Variants in NSUN6 observed in about 807,000 individuals in gnomAD.
NSUN6 encodes tRNA (cytosine(72)-C(5))-methyltransferase NSUN6.
In NSUN6, 64 loss-of-function variants were observed where a neutral mutation model predicts 58.0. The observed-to-expected ratio is 1.10, with a 90% CI of 0.90 to 1.36. The LOEUF is 1.36. Among genes scored for constraint, NSUN6 ranks in the 40% most tolerant of loss-of-function variants. The probability of loss-of-function intolerance (pLI) is 0.00; values close to 1 mark genes in which losing one functional copy is unlikely to be tolerated. For missense variants in NSUN6, 701 were observed against 550.1 expected, an observed-to-expected ratio of 1.27 and a Z score of -2.74; for synonymous variants, 231 against 193.9, an observed-to-expected ratio of 1.19 and a Z score of -1.59.
chr10:18,564,924 CTCCATTCCAT>C (rs965121449), intron 8 of NSUN6, among the ~76,000 whole-genome samples: 5 of 150,772 alleles, frequency 3.3e-5, no homozygotes, highest in Non-Finnish European at 7.4e-5. Flanking sequence ...CCATTCCATT[CTCCATTCCAT>C]TCCATTTCAT....
Position 18,546,153 on chromosome 10 carries a change from G to C in NSUN6, c.1198-8C>G, listed in dbSNP as rs764936213. The C allele has an allele frequency of 7.6e-6, 12 of 1,585,842 alleles. No homozygotes were observed. In the Admixed American group the frequency reaches 8.3e-5, roughly 11 times the overall value. On this transcript the variant is annotated splice_region_variant and splice_polypyrimidine_tract_variant and intron_variant, in intron 10 of 10. Transcript: ENST00000377304. ...TCCTCCAATCTGCGGTTCCTGTTTG[G>C]AGAAAGTGGATCAATATGGATGAAC... is the stretch of plus-strand genomic sequence containing the variant.
chr10:18,618,503 G>C lies in NSUN6; in HGVS notation c.312-2210C>G, dbSNP rs116202254. ...TCAAGACCAGCCTGACCAACATGAA[G>C]AAATCCCCGTCTCTACTAAAAATAC... On this transcript the variant is annotated intron_variant, in intron 3 of 10. Coordinates refer to ENST00000377304, the MANE Select transcript of NSUN6 (RefSeq NM_182543.5). Among the ~76,000 whole-genome samples the C allele has an allele frequency of 2.5e-3, 383 of 151,984 alleles. 1 individual carries two copies. The highest frequency in any genetic ancestry group is 8.7e-3 in the African/African-American group (362 of 41,454).
chr10:18,635,760 C>T (rs1367673124), intron 3 of NSUN6, among the ~76,000 whole-genome samples: 1 of 151,638 alleles, frequency 6.6e-6, no homozygotes, highest in South Asian at 2.1e-4. Flanking sequence ...ACCACTTGAA[C>T]CCGGGAGGCA....
intron 8 of NSUN6, among the ~76,000 whole-genome samples, chr10:18,567,212 C>G (rs1274349885): frequency 2.0e-5 from 3 of 150,892 alleles, no homozygotes; most frequent in African/African-American, 7.3e-5. Context: ...TCACTGTATT[C>G]CATTCCCTTC....
intron 3 of NSUN6, among the ~76,000 whole-genome samples, chr10:18,636,383 G>T (rs148307881): frequency 2.0e-5 from 3 of 149,806 alleles, no homozygotes; most frequent in African/African-American, 4.9e-5. Context: ...AAAACTGGCC[G>T]GCCATGGTGG....
intron 8 of NSUN6, among the ~76,000 whole-genome samples, chr10:18,575,470 A>T (rs1450083064): frequency 6.6e-6 from 1 of 152,230 alleles, no homozygotes; most frequent in South Asian, 2.1e-4. Context: ...AATTGAAAAT[A>T]TAGTATCCAG....
chr10:18,551,881 G>T lies in NSUN6; in HGVS notation c.1013C>A (p.Thr338Asn), dbSNP rs771990308. 1.9e-6 allele frequency: 3 copies of T among 1,612,534 alleles called. No homozygotes were observed. Among genetic ancestry groups the T allele is most frequent in the Non-Finnish European group, 1.7e-6 (2 of 1,178,778 alleles). Residue 338 changes from threonine to asparagine, a missense_variant, in exon 9 of 11, where the codon ACT becomes AAT. Thr to Asn is a moderately conservative substitution (Grantham distance 65). Transcript: ENST00000377304. ...GMGQRPNMAC[T>N]WSVKEVASYQ... ...TGATGCCACTTCCTTCACAGACCAAGTACAGGCCATGTTTGGTCTCTGTCC... is the reference window on the plus strand; with the variant it reads ...TGATGCCACTTCCTTCACAGACCAATTACAGGCCATGTTTGGTCTCTGTCC...
chr10:18,555,448 G>A (rs1236722442), intron 8 of NSUN6, among the ~76,000 whole-genome samples: 1 of 150,512 alleles, frequency 6.6e-6, no homozygotes, highest in Non-Finnish European at 1.5e-5. Context: ...ATGGAACAGA[G>A]TGGAATAGAG....
intron 8 of NSUN6, among the ~76,000 whole-genome samples, chr10:18,558,438 T>G (rs987309696): frequency 8.8e-5 from 13 of 147,068 alleles, no homozygotes; most frequent in African/African-American, 3.3e-4. Context: ...GAATGGAGGA[T>G]GGTGTGGAGA....
chr10:18,647,117 AT>A (rs2059567975), intron 2 of NSUN6, among the ~76,000 whole-genome samples: 1 of 152,200 alleles, frequency 6.6e-6, no homozygotes, highest in African/African-American at 2.4e-5. Context: ...ATGGTTGTCT[AT>A]TCACAACTTG....
intron 7 of NSUN6, among the ~76,000 whole-genome samples, chr10:18,594,670 C>G (rs955688960): frequency 6.6e-6 from 1 of 152,096 alleles, no homozygotes; most frequent in African/African-American, 2.4e-5. Context: ...TGGATGGTCT[C>G]GATCTCTTAA....
At position 18,545,858 on chromosome 10, in the gene NSUN6, A is replaced by C; in HGVS notation, c.*75T>G. 1.8e-6 allele frequency: 1 copy of C among 558,906 alleles called. No individual in the cohort carries two copies. Among genetic ancestry groups the C allele is most frequent in the Non-Finnish European group, 2.9e-6 (1 of 349,976 alleles). The allele number at this position is 558,906 out of a possible 1,614,324, so 34.6% of individuals were successfully genotyped here. A position where few individuals can be genotyped will look rare whatever the true frequency, so the allele number is the denominator to read the frequency against. ...ACATCATCATTCAGTTGGCCTGACA[A>C]CACTTTGGTTAAAAAAAAAAAAACC... On this transcript the variant is annotated 3_prime_UTR_variant, in exon 11 of 11. Coordinates refer to ENST00000377304, the MANE Select transcript of NSUN6 (RefSeq NM_182543.5).
intron 6 of NSUN6, among the ~76,000 whole-genome samples, chr10:18,603,260 CAA>C: frequency 6.6e-6 from 1 of 151,858 alleles, no homozygotes; most frequent in East Asian, 1.9e-4. Flanking sequence ...GCCACTGTCT[CAA>C]AAAAATAAAA....
intron 3 of NSUN6, among the ~76,000 whole-genome samples, chr10:18,642,218 G>C (rs1296524267): frequency 6.8e-6 from 1 of 147,676 alleles, no homozygotes; most frequent in Non-Finnish European, 1.5e-5. Flanking sequence ...ACAGAAAGTG[G>C]GGGGGGGAAA....
In NSUN6 at chr10:18,607,423, C is replaced by T. The variant is rs1460482089; in HGVS notation, c.657+2422G>A. ...GAAATGAATATCACCTGGTTCTGGT[C>T]TGCATTGAATTAAGCTATTTAGATT... is the stretch of plus-strand genomic sequence containing the variant. On this transcript the variant is annotated intron_variant, in intron 6 of 10. Coordinates refer to ENST00000377304, the MANE Select transcript of NSUN6 (RefSeq NM_182543.5). Among the ~76,000 whole-genome samples, 5 of 152,270 alleles carry T rather than the reference C, an allele frequency of 3.3e-5. No homozygotes were observed. The East Asian group carries it at 9.6e-4, about 29-fold the overall frequency.
At chr10:18,552,544 A>G (rs2054670951) in intron 8 of NSUN6, among the ~76,000 whole-genome samples, 2 of 152,128 alleles carry the variant, frequency 1.3e-5, no homozygotes, top group South Asian at 4.1e-4. Context: ...ATATTATTGG[A>G]GGAAGGTGTG....
intron 2 of NSUN6, among the ~76,000 whole-genome samples, chr10:18,645,774 A>G (rs1374202116): frequency 6.6e-6 from 1 of 152,190 alleles, no homozygotes; most frequent in Non-Finnish European, 1.5e-5. Flanking sequence ...TTAGAGTATG[A>G]TTAACTTTTT....
intron 7 of NSUN6, among the ~76,000 whole-genome samples, chr10:18,587,505 G>C (rs2057205024): frequency 6.6e-6 from 1 of 152,178 alleles, no homozygotes; most frequent in African/African-American, 2.4e-5. Flanking sequence ...GGCCAAGAGA[G>C]CTGAATAGAA....
chr10:18,644,017 C>A (rs2059465754), intron 2 of NSUN6, among the ~76,000 whole-genome samples: 2 of 152,122 alleles, frequency 1.3e-5, no homozygotes, highest in African/African-American at 2.4e-5. Flanking sequence ...TTTAAAACAG[C>A]CTTATTGAGA....
Sources: gnomAD v4.1 joint callset for allele counts (sites outside exome capture counted in the v4.1 genomes callset) on GRCh38, gnomAD v4.1.1 for gene constraint, MANE v1.5 for transcripts, NCBI Gene and HGNC (gene_info 2026-07-23, HGNC 2026-07-21) for gene names.